RPIA: variants seen among roughly 807,000 people sequenced by gnomAD.
RPIA encodes the protein ribose 5-phosphate isomerase A.
In RPIA, 29 loss-of-function variants were observed where a neutral mutation model predicts 37.8. The observed-to-expected ratio is 0.77, with a 90% confidence interval of 0.57 to 1.05. RPIA has a LOEUF of 1.05. Among genes scored for constraint, RPIA ranks in the 50% least tolerant of loss-of-function variants. The pLI is 0.00. For synonymous variants in RPIA, 167 were observed against 157.0 expected (o/e 1.06, Z -0.48); for missense variants, 385 against 413.6 (o/e 0.93, Z 0.60).
chr2:88,729,057 A>C (rs538107871), intron 3 of RPIA, among the ~76,000 whole-genome samples: 2 of 152,236 alleles, frequency 1.3e-5, no homozygotes, highest in Non-Finnish European at 2.9e-5. Flanking sequence ...GCATTGGAAC[A>C]GGGTCTTTGC....
rs1462468130 is a variant in RPIA at position 88,735,652 on chromosome 2, T to G, written c.528-17T>G. 11 of 1,613,658 alleles carry G rather than the reference T, an allele frequency of 6.8e-6. No individual in the cohort carries two copies. The highest frequency in any genetic ancestry group is 1.3e-5 in the African/African-American group (1 of 74,900). On this transcript the variant is annotated splice_polypyrimidine_tract_variant and intron_variant, in intron 5 of 8. Transcript: ENST00000283646. ...ATTTTTGTCTTACTCCTGTGTTCCT[T>G]TGCTTCTTTCCTGCAGAGGCTGCCT... is the stretch of plus-strand genomic sequence containing the variant.
At chr2:88,713,599 C>T (rs1256725804) in intron 3 of RPIA, among the ~76,000 whole-genome samples, 1 of 152,162 alleles carries the variant, frequency 6.6e-6, no homozygotes, top group East Asian at 1.9e-4. Flanking sequence ...TATTTTCGTC[C>T]AGTGTGCTGG....
chr2:88,733,136 G>T (rs1673267517), intron 4 of RPIA, among the ~76,000 whole-genome samples: 1 of 152,200 alleles, frequency 6.6e-6, no homozygotes, highest in Non-Finnish European at 1.5e-5. Flanking sequence ...ATAAAGGCCA[G>T]GTGGCAGGGG....
At chr2:88,715,805 C>T (rs1382023129) in intron 3 of RPIA, among the ~76,000 whole-genome samples, 1 of 152,224 alleles carries the variant, frequency 6.6e-6, no homozygotes, top group East Asian at 1.9e-4. Context: ...GCTATTTTCT[C>T]CTCTTTCATG....
At chr2:88,711,721 G>A (rs898819805) in intron 3 of RPIA, among the ~76,000 whole-genome samples, 3 of 152,162 alleles carry the variant, frequency 2.0e-5, no homozygotes, top group Non-Finnish European at 4.4e-5. Context: ...TTCAAAATAT[G>A]TCAAAGAAAT....
At chr2:88,733,545 A>G (rs927920513) in intron 4 of RPIA, among the ~76,000 whole-genome samples, 9 of 152,180 alleles carry the variant, frequency 5.9e-5, no homozygotes, top group Non-Finnish European at 1.3e-4. Context: ...GCCACTTTCC[A>G]TACCCCTGAG....
chr2:88,711,232 A>G (rs1195731746), intron 3 of RPIA, among the ~76,000 whole-genome samples: 3 of 152,268 alleles, frequency 2.0e-5, no homozygotes, highest in Non-Finnish European at 2.9e-5. Context: ...TTTGAAAAGA[A>G]AAACACTCAG....
In RPIA at chr2:88,735,276, C is replaced by G. The variant is rs147407984; in HGVS notation, c.528-393C>G. ...ATCTGCTGATTCAGTGCTCTGGGCTCTCTCCACTTCATCACCCTCATTGGC... is the reference window on the plus strand; with the variant it reads ...ATCTGCTGATTCAGTGCTCTGGGCTGTCTCCACTTCATCACCCTCATTGGC... On this transcript the variant is annotated intron_variant, in intron 5 of 8. Coordinates refer to ENST00000283646, the MANE Select transcript of RPIA (RefSeq NM_144563.3). Among the ~76,000 whole-genome samples the G allele has an allele frequency of 8.5e-5, 13 of 152,330 alleles. No homozygotes were observed. In the South Asian group the frequency reaches 1.9e-3, roughly 22 times the overall value.
At chr2:88,744,598 A>G (rs1673420225) in intron 8 of RPIA, among the ~76,000 whole-genome samples, 3 of 152,146 alleles carry the variant, frequency 2.0e-5, no homozygotes, top group Non-Finnish European at 4.4e-5. Flanking sequence ...GGAGTACTTA[A>G]GTCTCCCACT....
At chr2:88,702,915 G>A (rs1672848614) in intron 3 of RPIA, among the ~76,000 whole-genome samples, 3 of 152,218 alleles carry the variant, frequency 2.0e-5, no homozygotes, top group East Asian at 1.9e-4. Flanking sequence ...TACACTGGGG[G>A]TACAGGTATT....
chr2:88,692,973 T>C (rs10179543), intron 1 of RPIA, among the ~76,000 whole-genome samples: 117,726 of 152,130 alleles, frequency 0.77, 46,022 homozygotes, highest in African/African-American at 0.88. Context: ...GACCTTCTAC[T>C]CTTTCCACTG....
rs866212229 is a variant in RPIA, at chr2:88,723,053, G to T, written c.403-6225G>T. On this transcript the variant is annotated intron_variant, in intron 3 of 8. Transcript: ENST00000283646. Reference sequence around the variant, plus strand: ...GCTGCGAGGAATTTTAGCGAAATTAGAAAGGGTTTGTTACCCATAATTTGG... The same window carrying T: ...GCTGCGAGGAATTTTAGCGAAATTATAAAGGGTTTGTTACCCATAATTTGG... Among the ~76,000 whole-genome samples the T allele has an allele frequency of 2.0e-5, 3 of 152,312 alleles. No individual in the cohort carries two copies. In the South Asian group the frequency reaches 6.2e-4, roughly 32 times the overall value.
At chr2:88,748,664 A>C (rs1208799691) in intron 8 of RPIA, among the ~76,000 whole-genome samples, 1 of 152,060 alleles carries the variant, frequency 6.6e-6, no homozygotes, top group Admixed American at 6.5e-5. Context: ...CATCATCTGT[A>C]TGTGTGTGAA....
At chr2:88,710,220 A>T (rs1188571683) in intron 3 of RPIA, among the ~76,000 whole-genome samples, 1 of 152,050 alleles carries the variant, frequency 6.6e-6, no homozygotes, top group African/African-American at 2.4e-5. Context: ...CTTTTTAAAA[A>T]TTTTTTGTAG....
intron 3 of RPIA, among the ~76,000 whole-genome samples, chr2:88,705,048 C>T (rs1322916374): frequency 6.6e-6 from 1 of 152,110 alleles, no homozygotes; most frequent in Non-Finnish European, 1.5e-5. Context: ...GACTACAAAC[C>T]ACTGCTTAAG....
At chr2:88,726,089 T>A (rs1673193934) in intron 3 of RPIA, among the ~76,000 whole-genome samples, 1 of 152,266 alleles carries the variant, frequency 6.6e-6, no homozygotes, top group Admixed American at 6.5e-5. Context: ...GTCTCAGGGC[T>A]TGCAGAAGTT....
chr2:88,734,828 A>G (rs1449717728), intron 5 of RPIA, among the ~76,000 whole-genome samples: 2 of 152,186 alleles, frequency 1.3e-5, no homozygotes, highest in Non-Finnish European at 2.9e-5. Context: ...CTTTAGTGAG[A>G]TCATTCATCG....
intron 7 of RPIA, among the ~76,000 whole-genome samples, chr2:88,737,299 C>T (rs1048231806): frequency 2.6e-5 from 4 of 152,126 alleles, no homozygotes; most frequent in South Asian, 2.1e-4. Flanking sequence ...ACTACGTAAA[C>T]ATTTTGGAGG....
At chr2:88,748,970 A>G (rs915007734) in intron 8 of RPIA, among the ~76,000 whole-genome samples, 79 of 152,136 alleles carry the variant, frequency 5.2e-4, no homozygotes, top group African/African-American at 1.8e-3. Flanking sequence ...CTGGAGCTCC[A>G]TTGAACTCCT....
Sources: allele counts gnomAD v4.1 joint callset (sites outside exome capture counted in the v4.1 genomes callset), GRCh38; gene constraint gnomAD v4.1.1; transcripts MANE v1.5; gene names NCBI Gene and HGNC (gene_info 2026-07-23, HGNC 2026-07-21).